The following EZH1 variants were observed in gnomAD, a reference collection of about 807,000 sequenced individuals.
EZH1 encodes enhancer of zeste 1 polycomb repressive complex 2 subunit.
EZH1 carries 33 observed loss-of-function variants against 100.5 expected under a neutral mutation model. The ratio of observed to expected loss-of-function variants is 0.33; its 90% CI spans 0.25 to 0.44. The LOEUF is 0.44. EZH1 is among the 20% of genes least tolerant of loss of function. EZH1 has a pLI of 1.00. For synonymous variants in EZH1, 272 were observed against 313.8 expected (o/e 0.87, Z 1.41); for missense variants, 475 against 928.4 (o/e 0.51, Z 6.35).
intron 1 of EZH1, among the ~76,000 whole-genome samples, chr17:42,731,594 A>T (rs1339948893): frequency 6.6e-6 from 1 of 152,134 alleles, no homozygotes. Context: ...TCCACCTAAC[A>T]TTAAAAATGT....
intron 6 of EZH1, among the ~76,000 whole-genome samples, chr17:42,721,502 C>T (rs1349999728): frequency 6.6e-6 from 1 of 152,058 alleles, no homozygotes; most frequent in African/African-American, 2.4e-5. Context: ...TCTTGGATGT[C>T]CTTATGGAAA....
rs373318612 is a variant in EZH1 at position 42,728,977 on chromosome 17, A to G, written c.-11-25T>C. 5.1e-6 allele frequency: 8 copies of G among 1,570,880 alleles called. No individual in the cohort carries two copies. In the African/African-American group the frequency reaches 9.6e-5, roughly 19 times the overall value. On this transcript the variant is annotated intron_variant, in intron 2 of 20. Transcript: ENST00000428826. ...TCTAAGAGAGACAGAGATGAGAAAT[A>G]GCATTTTATTGCCTGGAAATAAAGC...
chr17:42,742,579 T>G (rs2054196459), intron 1 of EZH1, among the ~76,000 whole-genome samples: 1 of 152,172 alleles, frequency 6.6e-6, no homozygotes, highest in African/African-American at 2.4e-5. Flanking sequence ...CTGACAATAC[T>G]AGCATCCGGA....
At chr17:42,707,407 A>G (rs887176837) in intron 15 of EZH1, among the ~76,000 whole-genome samples, 9 of 152,280 alleles carry the variant, frequency 5.9e-5, no homozygotes, top group African/African-American at 2.2e-4. Context: ...GACTACAAGC[A>G]TGTACCACCA....
At chr17:42,744,898 C>G in intron 1 of EZH1, 113 bp downstream of exon 1, 1 of 1,153,214 alleles carries the variant, frequency 8.7e-7, no homozygotes, top group Non-Finnish European at 1.1e-6. Context: ...CAGTGTGTCC[C>G]TCGGATTCCT....
intron 4 of EZH1, among the ~76,000 whole-genome samples, chr17:42,725,930 G>A (rs186425787): frequency 6.6e-6 from 1 of 152,240 alleles, no homozygotes; most frequent in Non-Finnish European, 1.5e-5. Context: ...CCAGGCTGGA[G>A]TGCAGTTGCA....
At chr17:42,720,174 G>T in intron 7 of EZH1, 99 bp downstream of exon 7, 2 of 1,270,500 alleles carry the variant, frequency 1.6e-6, no homozygotes, top group Non-Finnish European at 2.2e-6. Context: ...CCAACAAGAA[G>T]CACCAACAGC....
chr17:42,722,505 G>T (rs1319331756), intron 6 of EZH1, among the ~76,000 whole-genome samples: 3 of 151,260 alleles, frequency 2.0e-5, no homozygotes, highest in African/African-American at 7.3e-5. Context: ...GACACCTGTA[G>T]TCCCAGCTAC....
rs1339691090 is a variant in EZH1, at chr17:42,702,416, G to A, written c.*116C>T. The A allele has an allele frequency of 1.2e-6, 1 of 858,340 alleles. No individual in the cohort carries two copies. Among genetic ancestry groups the A allele is most frequent in the African/African-American group, 1.7e-5 (1 of 59,504 alleles). The allele number at this position is 858,340 out of a possible 1,614,324, so 53.2% of individuals were successfully genotyped here. A position where few individuals can be genotyped will look rare whatever the true frequency, so the allele number is the denominator to read the frequency against. On this transcript the variant is annotated 3_prime_UTR_variant, in exon 21 of 21. Transcript: ENST00000428826. The stretch of plus-strand genomic sequence containing the variant: ...AGAGGCCTCACTACAGAGGGAGTGG[G>A]TTGGGGGGTTTCTCAGTGTGGGAGA...
rs374952991 is a variant in EZH1, at chr17:42,712,404, G to C, written c.1286C>G (p.Ser429Trp). 1 of 1,614,080 alleles carries C rather than the reference G, an allele frequency of 6.2e-7. No individual in the cohort carries two copies. The highest frequency in any genetic ancestry group is 8.5e-7 in the Non-Finnish European group (1 of 1,180,044). ...PPQLCVVEAPSEPVEWTGAEE... is the reference protein window; with the variant it reads ...PPQLCVVEAPWEPVEWTGAEE... The stretch of plus-strand genomic sequence containing the variant: ...AGCCCCAGTCCATTCCACAGGCTCC[G>C]AGGGTGCTTCCACTACGCAGAGTTG... The change falls in exon 12 of 21, where the codon TCG becomes TGG. Residue 429 changes from serine to tryptophan, a missense_variant. Ser to Trp is a radical substitution (Grantham distance 177). Transcript: ENST00000428826.
intron 12 of EZH1, among the ~76,000 whole-genome samples, 175 bp from the exon 13 acceptor site, chr17:42,710,112 C>A (rs181836547): frequency 6.6e-6 from 1 of 152,256 alleles, no homozygotes; most frequent in East Asian, 1.9e-4. Flanking sequence ...CTCTGAAGTT[C>A]ATTCCTAATT....
In EZH1 at chr17:42,701,285, C is replaced by G. The variant is rs1367132572; in HGVS notation, c.*1247G>C. On this transcript the variant is annotated 3_prime_UTR_variant, in exon 21 of 21. Transcript: ENST00000428826. ...GCCAAACTCTACCCCAATCTATAGACCTTTTAAAAGAAATGGTTAAAGTGC... is the reference window on the plus strand; with the variant it reads ...GCCAAACTCTACCCCAATCTATAGAGCTTTTAAAAGAAATGGTTAAAGTGC... 1 of 152,788 alleles carries G rather than the reference C, an allele frequency of 6.5e-6. No individual in the cohort carries two copies. The highest frequency in any genetic ancestry group is 1.5e-5 in the Non-Finnish European group (1 of 68,046). 9.5% of individuals were successfully genotyped at this position (152,788 alleles called of 1,614,324 possible). A position where few individuals can be genotyped will look rare whatever the true frequency, so the allele number is the denominator to read the frequency against.
chr17:42,718,118 T>C lies in EZH1; in HGVS notation c.932-51A>G, dbSNP rs765934379. 4 of 1,498,682 alleles carry C rather than the reference T, an allele frequency of 2.7e-6. No individual in the cohort carries two copies. The highest frequency in any genetic ancestry group is 1.7e-5 in the Admixed American group (1 of 57,942). The allele number at this position is 1,498,682 out of a possible 1,614,324, so 92.8% of individuals were successfully genotyped here. On this transcript the variant is annotated intron_variant, in intron 9 of 20. Transcript: ENST00000428826. This position sits in a 1 kb window ranked among gnomAD's most constrained non-coding sequence, Gnocchi z 4.2. ...CCAGTGGTCTATCCACTTGACAAGATGGGGAGAAACAAAAGTGAATTAGAG... is the reference window on the plus strand; with the variant it reads ...CCAGTGGTCTATCCACTTGACAAGACGGGGAGAAACAAAAGTGAATTAGAG...
chr17:42,713,092 T>A, intron 11 of EZH1, 117 bp downstream of exon 11: 4 of 794,696 alleles, frequency 5.0e-6, no homozygotes, highest in South Asian at 2.0e-5. Flanking sequence ...TTTACAAAAC[T>A]TGTAGAAAGA....
At chr17:42,705,694 A>G in intron 16 of EZH1, 1 of 190,622 alleles carries the variant, frequency 5.2e-6, no homozygotes, top group Non-Finnish European at 1.1e-5. Context: ...TAATTTTTAT[A>G]TTTTTAGTAG....
chr17:42,715,962 G>A (rs185805946), intron 10 of EZH1, among the ~76,000 whole-genome samples: 6 of 151,024 alleles, frequency 4.0e-5, no homozygotes, highest in East Asian at 2.0e-4. Flanking sequence ...CAGGAGAATC[G>A]TTTGAACCCG....
rs913128893 is a variant in EZH1 at position 42,745,020 on chromosome 17, C to G, written c.-112G>C. Reference sequence around the variant, plus strand: ...TTGTTTACTCACTCACCCTCCATCCCGAGCCGCGGGTCCCGCTGCTAGGAC... The same window carrying G: ...TTGTTTACTCACTCACCCTCCATCCGGAGCCGCGGGTCCCGCTGCTAGGAC... On this transcript the variant is annotated 5_prime_UTR_variant, in exon 1 of 21. Coordinates refer to ENST00000428826, the MANE Select transcript of EZH1 (RefSeq NM_001991.5). 53 of 1,272,368 alleles carry G rather than the reference C, an allele frequency of 4.2e-5. No homozygotes were observed. The highest frequency in any genetic ancestry group is 4.9e-5 in the Non-Finnish European group (48 of 982,386). 78.8% of individuals were successfully genotyped at this position (1,272,368 alleles called of 1,614,324 possible). A position where few individuals can be genotyped will look rare whatever the true frequency, so the allele number is the denominator to read the frequency against.
In EZH1 at chr17:42,706,034, G is replaced by A; in HGVS notation, c.1812C>T (p.Asn604=). The change falls in exon 16 of 21, where the codon AAC becomes AAT. Residue 604 remains asparagine (N), a synonymous_variant. Transcript: ENST00000428826. The surrounding 1 kb of genome is among the most constrained non-coding windows in gnomAD (Gnocchi z 4.4). ...TCTTAAGTCCACGCTGGATGCTGCA[G>A]TTTTTACAGGAAACCACCTTGCAGT... ...HWDCKVVSCK[N]CSIQRGLKKH... is the part of the protein sequence containing the mutation. The A allele has an allele frequency of 6.2e-7, 1 of 1,613,754 alleles. No individual in the cohort carries two copies. The highest frequency in any genetic ancestry group is 8.5e-7 in the Non-Finnish European group (1 of 1,179,866).
intron 1 of EZH1, among the ~76,000 whole-genome samples, chr17:42,733,032 C>CAA (rs35232752): frequency 9.7e-5 from 10 of 103,240 alleles, no homozygotes; most frequent in Non-Finnish European, 1.2e-4. Context: ...ACCATCTCTA[C>CAA]AAAAAAAAAA....
Sources: gnomAD v4.1 joint callset for allele counts (sites outside exome capture counted in the v4.1 genomes callset) on GRCh38, gnomAD v4.1.1 for gene constraint, Gnocchi (gnomAD v3.1) non-coding constraint, MANE v1.5 for transcripts, NCBI Gene and HGNC (gene_info 2026-07-23, HGNC 2026-07-21) for gene names.